The following PDS5B variants were observed in gnomAD, a reference collection of about 807,000 sequenced individuals.
PDS5B encodes sister chromatid cohesion protein PDS5 homolog B.
A neutral mutation model predicts 184.1 loss-of-function variants in PDS5B; 51 were observed. The ratio of observed to expected loss-of-function variants is 0.28; its 90% CI spans 0.22 to 0.35. The LOEUF is 0.35. Ranked by LOEUF, PDS5B falls within the 10% of genes least tolerant of loss-of-function variation. The pLI is 1.00. For synonymous variants in PDS5B, 566 were observed against 569.2 expected, an observed-to-expected ratio of 0.99 and a Z score of 0.08; for missense variants, 1,180 against 1,723.3, an observed-to-expected ratio of 0.68 and a Z score of 5.58.
intron 17 of PDS5B, among the ~76,000 whole-genome samples, chr13:32,704,641 A>T (rs1269563886): frequency 1.3e-5 from 2 of 152,150 alleles, no homozygotes; most frequent in African/African-American, 2.4e-5. Context: ...CATGGTTTGG[A>T]TCCTTGCTGG....
At chr13:32,651,153 A>G (rs1168232784) in intron 2 of PDS5B, among the ~76,000 whole-genome samples, 1 of 152,106 alleles carries the variant, frequency 6.6e-6, no homozygotes, top group Non-Finnish European at 1.5e-5. Flanking sequence ...AAAAAGAACC[A>G]TTTCTTTTAG....
chr13:32,677,995 G>T (rs2140783037), intron 9 of PDS5B, among the ~76,000 whole-genome samples: 1 of 151,818 alleles, frequency 6.6e-6, no homozygotes, highest in African/African-American at 2.4e-5. Flanking sequence ...GCCATCTATG[G>T]TATTTTGGTA....
intron 34 of PDS5B, 85 bp from the exon 35 acceptor site, chr13:32,774,932 A>G (rs1388972060): frequency 1.1e-5 from 13 of 1,208,760 alleles, no homozygotes; most frequent in Non-Finnish European, 1.6e-5. Context: ...AACAAATGAG[A>G]ATAAAGATTA....
chr13:32,683,860 T>C lies in PDS5B; in HGVS notation c.1058-18T>C, dbSNP rs756679378. 1.3e-6 allele frequency: 2 copies of C among 1,546,726 alleles called. No individual in the cohort carries two copies. The highest frequency in any genetic ancestry group is 2.3e-5 in the East Asian group (1 of 43,408). On this transcript the variant is annotated intron_variant, in intron 10 of 34. Transcript: ENST00000315596. ...TTAGTTATTAAAATTTCCACTGTAA[T>C]AAAATGTTATCTTTCAGAGTATCTT...
intron 24 of PDS5B, 101 bp downstream of exon 24, chr13:32,746,201 G>T: frequency 2.9e-6 from 3 of 1,020,882 alleles, no homozygotes; most frequent in Non-Finnish European, 2.8e-6. Context: ...GAATGTGTAT[G>T]GTTTGTTTGT....
chr13:32,704,983 T>C (rs759780368), intron 17 of PDS5B, among the ~76,000 whole-genome samples: 1 of 152,180 alleles, frequency 6.6e-6, no homozygotes, highest in African/African-American at 2.4e-5. Flanking sequence ...TTTAAAATAG[T>C]TTTTCAGTTG....
chr13:32,773,160 C>A, intron 33 of PDS5B, 29 bp from the exon 34 acceptor site: 2 of 1,560,112 alleles, frequency 1.3e-6, no homozygotes, highest in South Asian at 1.2e-5. Flanking sequence ...TTGGAACGTT[C>A]ATTGTGTTTT....
chr13:32,601,331 G>T (rs1012186496), intron 1 of PDS5B, among the ~76,000 whole-genome samples: 1 of 152,144 alleles, frequency 6.6e-6, no homozygotes, highest in African/African-American at 2.4e-5. Context: ...TTTAAACTGG[G>T]CGTTAAACAC....
intron 1 of PDS5B, among the ~76,000 whole-genome samples, chr13:32,645,994 G>C (rs1014455329): frequency 4.5e-4 from 68 of 149,664 alleles, no homozygotes; most frequent in Non-Finnish European, 8.6e-4. Flanking sequence ...GGGTGTGTGG[G>C]TGTGTGGTGT....
chr13:32,720,584 G>T (rs906571322), intron 19 of PDS5B, among the ~76,000 whole-genome samples: 45 of 150,264 alleles, frequency 3.0e-4, no homozygotes, highest in African/African-American at 1.1e-3. Context: ...ACTGCACAGG[G>T]GTACAACTTT....
At chr13:32,693,940 TACA>T (rs1419263437) in intron 13 of PDS5B, among the ~76,000 whole-genome samples, 2 of 151,768 alleles carry the variant, frequency 1.3e-5, no homozygotes, top group Non-Finnish European at 3.0e-5. Flanking sequence ...TCCTTCCTGC[TACA>T]ACACCTTACG....
chr13:32,752,566 A>G (rs1396851776), intron 24 of PDS5B, among the ~76,000 whole-genome samples: 1 of 152,218 alleles, frequency 6.6e-6, no homozygotes, highest in African/African-American at 2.4e-5. Context: ...ACTAAATGCT[A>G]TGCTGGAGAT....
At position 32,704,312 on chromosome 13, in the gene PDS5B, G is replaced by C. The variant is rs115579487; in HGVS notation, c.1857-2622G>C. 2.5e-3 allele frequency among the ~76,000 whole-genome samples: 376 copies of C among 152,242 alleles called. 2 individuals carry two copies. The highest frequency in any genetic ancestry group is 8.5e-3 in the African/African-American group (355 of 41,540). On this transcript the variant is annotated intron_variant, in intron 17 of 34. Coordinates refer to ENST00000315596, the MANE Select transcript of PDS5B (RefSeq NM_015032.4). ...GCCTTACAAGTAACTGGGATTACAG[G>C]CATGTGCCAGCACATCCAGCTAATT...
intron 12 of PDS5B, 151 bp downstream of exon 12, chr13:32,687,436 C>T: frequency 1.8e-6 from 1 of 569,244 alleles, no homozygotes. Context: ...CTCATTCCCA[C>T]CCAAGCCATA....
chr13:32,612,449 G>T (rs1000354626), intron 1 of PDS5B, among the ~76,000 whole-genome samples: 2 of 151,994 alleles, frequency 1.3e-5, no homozygotes, highest in African/African-American at 2.4e-5. Context: ...TGAACAGCTC[G>T]GTGGTTTAGT....
At chr13:32,599,075 T>G (rs529580493) in intron 1 of PDS5B, among the ~76,000 whole-genome samples, 1 of 152,202 alleles carries the variant, frequency 6.6e-6, no homozygotes, top group East Asian at 1.9e-4. Context: ...CAGCCTCAGT[T>G]TTTTTCCTTT....
In PDS5B at chr13:32,688,516, A is replaced by C; in HGVS notation, c.1416A>C (p.Glu472Asp). Residue 472 changes from glutamate to aspartate, a missense_variant, in exon 13 of 35, where the codon GAA becomes GAC. Glu to Asp is a conservative substitution (Grantham distance 45). Transcript: ENST00000315596. ...YMVPHNLETT[E>D]RMKCLYYLYA... ...TTCCTCACAATTTAGAAACTACAGA[A>C]CGGATGAAATGCTTATATTACTTGT... 1.2e-6 allele frequency: 2 copies of C among 1,610,508 alleles called. No homozygotes were observed. Among genetic ancestry groups the C allele is most frequent in the Non-Finnish European group, 1.7e-6 (2 of 1,176,978 alleles).
At chr13:32,593,499 C>A (rs1194472523) in intron 1 of PDS5B, among the ~76,000 whole-genome samples, 2 of 152,192 alleles carry the variant, frequency 1.3e-5, no homozygotes, top group Non-Finnish European at 2.9e-5. Context: ...TGCCACCACG[C>A]CCGGCTAATT....
At chr13:32,600,313 G>A (rs563635917) in intron 1 of PDS5B, among the ~76,000 whole-genome samples, 2 of 152,078 alleles carry the variant, frequency 1.3e-5, no homozygotes, top group African/African-American at 4.8e-5. Context: ...CAAAATTTTT[G>A]TTGTAGAGTG....
Sources: allele counts gnomAD v4.1 joint callset (sites outside exome capture counted in the v4.1 genomes callset), GRCh38; gene constraint gnomAD v4.1.1; transcripts MANE v1.5; gene names NCBI Gene and HGNC (gene_info 2026-07-23, HGNC 2026-07-21).